Variants in KSR2 observed in about 807,000 individuals in gnomAD.
KSR2 encodes kinase suppressor of ras 2.
A neutral mutation model predicts 107.8 loss-of-function variants in KSR2; 25 were observed. The observed-to-expected ratio is 0.23, with a 90% confidence interval of 0.17 to 0.32. The LOEUF is 0.32. Ranked by LOEUF, KSR2 falls within the 10% of genes least tolerant of loss-of-function variation. The pLI is 1.00. For synonymous variants in KSR2, 480 were observed against 507.0 expected (o/e 0.95, Z 0.71); for missense variants, 887 against 1,268.9 (o/e 0.70, Z 4.57).
chr12:117,476,717 C>G (rs753816988), intron 16 of KSR2, 122 bp from the exon 17 acceptor site: 85 of 1,051,970 alleles, frequency 8.1e-5, no homozygotes, highest in Non-Finnish European at 1.1e-4. Context: ...ACATTGAGCA[C>G]TGCCTGACCA....
At chr12:117,869,937 G>A (rs1002801531) in intron 1 of KSR2, among the ~76,000 whole-genome samples, 1 of 152,214 alleles carries the variant, frequency 6.6e-6, no homozygotes, top group African/African-American at 2.4e-5. Flanking sequence ...CTAGCTGTGA[G>A]GCTGGTACTT....
chr12:117,603,487 T>C (rs897610145), intron 5 of KSR2, among the ~76,000 whole-genome samples: 11 of 152,218 alleles, frequency 7.2e-5, no homozygotes, highest in Admixed American at 2.0e-4. Context: ...CCCACCGCCC[T>C]TCCTGTCTGG....
At chr12:117,576,406 C>T (rs1489153360) in intron 7 of KSR2, among the ~76,000 whole-genome samples, 1 of 152,180 alleles carries the variant, frequency 6.6e-6, no homozygotes, top group Non-Finnish European at 1.5e-5. Context: ...TCAGAAAGAC[C>T]ACCTGAGAGC....
At chr12:117,773,207 G>A (rs1305512008) in intron 3 of KSR2, among the ~76,000 whole-genome samples, 1 of 152,124 alleles carries the variant, frequency 6.6e-6, no homozygotes, top group African/African-American at 2.4e-5. Context: ...GGGCTCTGGG[G>A]GTTATTAATT....
chr12:117,898,088 C>T (rs564435769), intron 1 of KSR2, among the ~76,000 whole-genome samples: 62 of 152,288 alleles, frequency 4.1e-4, no homozygotes, highest in African/African-American at 1.3e-3. Context: ...CCATCAACTA[C>T]CTGCCAACCA....
intron 5 of KSR2, among the ~76,000 whole-genome samples, chr12:117,642,199 A>G (rs373081244): frequency 1.3e-5 from 2 of 152,208 alleles, no homozygotes; most frequent in African/African-American, 2.4e-5. Flanking sequence ...AGCTCTTAAC[A>G]TTGTCATAAT....
chr12:117,589,048 A>T (rs1880169086), intron 5 of KSR2, among the ~76,000 whole-genome samples: 1 of 152,374 alleles, frequency 6.6e-6, no homozygotes, highest in Middle Eastern at 3.4e-3. Flanking sequence ...ATATAGCTAA[A>T]GTTCACCAAA....
At chr12:117,595,336 T>C (rs1880567416) in intron 5 of KSR2, among the ~76,000 whole-genome samples, 1 of 150,876 alleles carries the variant, frequency 6.6e-6, no homozygotes, top group African/African-American at 2.4e-5. Flanking sequence ...GCCCTAAACA[T>C]TGCTAGATCA....
chr12:117,547,815 G>A (rs933698716), intron 9 of KSR2, among the ~76,000 whole-genome samples: 2 of 152,098 alleles, frequency 1.3e-5, no homozygotes, highest in Admixed American at 6.6e-5. Context: ...AGTCTCAGGC[G>A]GCCAGGTGCA....
At chr12:117,665,094 A>G (rs923454702) in intron 5 of KSR2, among the ~76,000 whole-genome samples, 1 of 152,164 alleles carries the variant, frequency 6.6e-6, no homozygotes. Context: ...CTGAGACTCA[A>G]ATGCTGTCTT....
intron 14 of KSR2, among the ~76,000 whole-genome samples, chr12:117,489,539 A>C (rs2137151839): frequency 7.3e-6 from 1 of 137,652 alleles, no homozygotes; most frequent in African/African-American, 2.9e-5. Context: ...ACAGAGTGAG[A>C]CCCTGTCTCA....
At chr12:117,950,174 A>G (rs1003772263) in intron 1 of KSR2, among the ~76,000 whole-genome samples, 3 of 151,762 alleles carry the variant, frequency 2.0e-5, no homozygotes, top group African/African-American at 4.8e-5. Context: ...GGGTTTTACC[A>G]TGTTGCCCGG....
chr12:117,506,679 G>T (rs771167314), intron 14 of KSR2, among the ~76,000 whole-genome samples: 5 of 152,170 alleles, frequency 3.3e-5, no homozygotes, highest in African/African-American at 4.8e-5. Flanking sequence ...ATTCCAGAGT[G>T]CTATGCAGTT....
At chr12:117,895,481 G>A (rs1894482900) in intron 1 of KSR2, among the ~76,000 whole-genome samples, 1 of 152,062 alleles carries the variant, frequency 6.6e-6, no homozygotes, top group African/African-American at 2.4e-5. Context: ...AGAGATGTGG[G>A]GGCAGTGTTG....
At chr12:117,933,805 G>A (rs937365106) in intron 1 of KSR2, among the ~76,000 whole-genome samples, 1 of 152,118 alleles carries the variant, frequency 6.6e-6, no homozygotes, top group African/African-American at 2.4e-5. Flanking sequence ...CTGTGGCTCA[G>A]TAAAGTTATG....
chr12:117,502,104 C>A (rs2137177903), intron 14 of KSR2, among the ~76,000 whole-genome samples: 1 of 152,354 alleles, frequency 6.6e-6, no homozygotes, highest in South Asian at 2.1e-4. Context: ...TGTCTGTGCA[C>A]ACAGGTATTT....
intron 1 of KSR2, among the ~76,000 whole-genome samples, chr12:117,927,212 C>T (rs1026012429): frequency 6.6e-6 from 1 of 151,634 alleles, no homozygotes; most frequent in Non-Finnish European, 1.5e-5. Flanking sequence ...CCCATCTCTA[C>T]TAAAAATACA....
At chr12:117,759,697 G>A (rs1408226462) in intron 4 of KSR2, among the ~76,000 whole-genome samples, 1 of 152,030 alleles carries the variant, frequency 6.6e-6, no homozygotes, top group Non-Finnish European at 1.5e-5. Context: ...TCTATAAATT[G>A]TCTACTCTAG....
At chr12:117,732,810 C>T (rs1029034566) in intron 4 of KSR2, among the ~76,000 whole-genome samples, 1 of 152,190 alleles carries the variant, frequency 6.6e-6, no homozygotes, top group African/African-American at 2.4e-5. Context: ...CAGCCCCTGA[C>T]CACAAGCGTT....
Sources: allele counts gnomAD v4.1 joint callset (sites outside exome capture counted in the v4.1 genomes callset), GRCh38; gene constraint gnomAD v4.1.1; transcripts MANE v1.5; gene names NCBI Gene and HGNC (gene_info 2026-07-23, HGNC 2026-07-21).